CTNNA2: variants seen among roughly 807,000 people sequenced by gnomAD.
CTNNA2 encodes the protein catenin alpha-2.
In CTNNA2, 42 loss-of-function variants were observed where a neutral mutation model predicts 101.0. The observed-to-expected ratio is 0.42, with a 90% CI of 0.32 to 0.54. The LOEUF (loss-of-function observed/expected upper bound fraction) is 0.54, where lower values mean the gene tolerates loss of function less well. Among genes scored for constraint, CTNNA2 ranks in the 20% least tolerant of loss-of-function variants. The probability of loss-of-function intolerance (pLI) is 0.14; values close to 1 mark genes in which losing one functional copy is unlikely to be tolerated. For synonymous variants in CTNNA2, 450 were observed against 456.4 expected, an observed-to-expected ratio of 0.99 and a Z score of 0.18; for missense variants, 871 against 1,223.1, an observed-to-expected ratio of 0.71 and a Z score of 4.29.
intron 9 of CTNNA2, among the ~76,000 whole-genome samples, chr2:80,438,495 C>T (rs1010615878): frequency 6.6e-6 from 1 of 151,954 alleles, no homozygotes; most frequent in Non-Finnish European, 1.5e-5. Flanking sequence ...GAAGGCTTTA[C>T]ATTTAATTTT....
At chr2:80,558,867 A>T (rs1693295757) in intron 12 of CTNNA2, among the ~76,000 whole-genome samples, 2 of 152,130 alleles carry the variant, frequency 1.3e-5, no homozygotes, top group South Asian at 2.1e-4. Flanking sequence ...TTTTATTTTT[A>T]AAAAATTCTG....
At chr2:79,397,142 A>G (rs1021489287) in intron 4 of CTNNA2, among the ~76,000 whole-genome samples, 1 of 152,194 alleles carries the variant, frequency 6.6e-6, no homozygotes, top group Non-Finnish European at 1.5e-5. Flanking sequence ...ATTTTGATAC[A>G]TGTATACAAT....
intron 7 of CTNNA2, among the ~76,000 whole-genome samples, chr2:80,110,124 G>A (rs946857737): frequency 2.6e-5 from 4 of 152,102 alleles, no homozygotes; most frequent in Non-Finnish European, 5.9e-5. Context: ...TAATGCACAC[G>A]ACGGTGCCAT....
chr2:80,196,447 C>T (rs1477686756), intron 7 of CTNNA2, among the ~76,000 whole-genome samples: 1 of 152,192 alleles, frequency 6.6e-6, no homozygotes, highest in Non-Finnish European at 1.5e-5. Context: ...GTCACAGAAA[C>T]TTGCATGTCA....
intron 1 of CTNNA2, among the ~76,000 whole-genome samples, chr2:79,635,767 G>T (rs1348968493): frequency 2.0e-5 from 3 of 151,238 alleles, no homozygotes; most frequent in Non-Finnish European, 4.4e-5. Context: ...GCCTCCCTAA[G>T]TGCTGGGATT....
intron 3 of CTNNA2, among the ~76,000 whole-genome samples, chr2:79,856,197 T>C (rs1160679731): frequency 6.6e-6 from 1 of 152,240 alleles, no homozygotes; most frequent in African/African-American, 2.4e-5. Flanking sequence ...TTGTAGATGG[T>C]AGCCTCTTTT....
At chr2:79,527,621 CA>C (rs796404203) in intron 1 of CTNNA2, among the ~76,000 whole-genome samples, 1,747 of 123,478 alleles carry the variant, frequency 0.014, 32 homozygotes, top group East Asian at 0.058. Flanking sequence ...GACTTTGTCT[CA>C]AAAAAAAAAA....
chr2:80,216,101 A>C (rs987696555), intron 7 of CTNNA2, among the ~76,000 whole-genome samples: 4 of 152,138 alleles, frequency 2.6e-5, no homozygotes, highest in Admixed American at 2.0e-4. Context: ...ATTTGCTAAG[A>C]CTGTTGGAAA....
intron 7 of CTNNA2, among the ~76,000 whole-genome samples, chr2:80,179,498 C>T (rs6726642): frequency 0.2 from 29,752 of 152,002 alleles, 4,094 homozygotes; most frequent in African/African-American, 0.38. Flanking sequence ...CTCAGCCTCC[C>T]GAATAGCTGG....
chr2:79,701,727 C>T (rs1685013885), intron 2 of CTNNA2, among the ~76,000 whole-genome samples: 1 of 152,120 alleles, frequency 6.6e-6, no homozygotes, highest in Admixed American at 6.6e-5. Context: ...GTAGGCCGGA[C>T]ATGATGGCTC....
intron 7 of CTNNA2, among the ~76,000 whole-genome samples, chr2:80,069,108 T>G (rs6723538): frequency 0.85 from 128,198 of 151,692 alleles, 54,965 homozygotes; most frequent in African/African-American, 0.96. Context: ...TGAAAAGCAT[T>G]AGCTCCAATG....
Position 79,692,498 on chromosome 2 carries a change from G to A in CTNNA2, c.102+40840G>A, listed in dbSNP as rs529753912. On this transcript the variant is annotated intron_variant, in intron 2 of 18. Transcript: ENST00000402739. ...GGATCTAGAACCAGACATACCATTT[G>A]ACCCAGCAATCCCATTACTGGGATT... Among the ~76,000 whole-genome samples, 5 of 152,126 alleles carry A rather than the reference G, an allele frequency of 3.3e-5. No individual in the cohort carries two copies. The East Asian group carries it at 9.7e-4, about 30-fold the overall frequency.
chr2:80,062,941 G>T (rs1024763166), intron 7 of CTNNA2, among the ~76,000 whole-genome samples: 1 of 152,052 alleles, frequency 6.6e-6, no homozygotes, highest in African/African-American at 2.4e-5. Context: ...TCCTGACCTC[G>T]TGATCCACCT....
At chr2:80,424,089 T>G (rs1028757874) in intron 9 of CTNNA2, among the ~76,000 whole-genome samples, 2 of 152,096 alleles carry the variant, frequency 1.3e-5, no homozygotes, top group East Asian at 1.9e-4. Context: ...CCAAGTAGCT[T>G]GGATTACAGG....
At chr2:80,099,695 T>G (rs901902451) in intron 7 of CTNNA2, among the ~76,000 whole-genome samples, 2 of 152,036 alleles carry the variant, frequency 1.3e-5, no homozygotes, top group Non-Finnish European at 2.9e-5. Context: ...AACTTCGTAT[T>G]TCTGGTGCCT....
At chr2:79,792,891 C>G (rs1301413411) in intron 3 of CTNNA2, among the ~76,000 whole-genome samples, 1 of 152,170 alleles carries the variant, frequency 6.6e-6, no homozygotes, top group Non-Finnish European at 1.5e-5. Context: ...AATACCTATA[C>G]TAAACAATGC....
At chr2:80,556,212 G>A (rs1331408593) in intron 12 of CTNNA2, among the ~76,000 whole-genome samples, 2 of 152,142 alleles carry the variant, frequency 1.3e-5, no homozygotes, top group African/African-American at 2.4e-5. Context: ...TATGACTTGA[G>A]AAAATTATGG....
chr2:80,077,352 C>G (rs575237683), intron 7 of CTNNA2, among the ~76,000 whole-genome samples: 2 of 152,040 alleles, frequency 1.3e-5, no homozygotes, highest in South Asian at 4.2e-4. Context: ...CATAATAGCT[C>G]CAAACTGGAA....
At chr2:80,518,118 G>C (rs1036006110) in intron 9 of CTNNA2, among the ~76,000 whole-genome samples, 1 of 152,166 alleles carries the variant, frequency 6.6e-6, no homozygotes, top group African/African-American at 2.4e-5. Flanking sequence ...CTTTGAATTT[G>C]ATCTGTGATT....
Sources: allele counts gnomAD v4.1 joint callset (sites outside exome capture counted in the v4.1 genomes callset), GRCh38; gene constraint gnomAD v4.1.1; transcripts MANE v1.5; gene names NCBI Gene and HGNC (gene_info 2026-07-23, HGNC 2026-07-21).